The following ARHGAP36 variants were observed in gnomAD, a reference collection of about 807,000 sequenced individuals.
The protein encoded by ARHGAP36 is rho GTPase-activating protein 36.
ARHGAP36 carries 7 observed loss-of-function variants against 32.9 expected under a neutral mutation model. That is an observed-to-expected ratio of 0.21 (90% CI 0.12 to 0.40). The LOEUF is 0.40. ARHGAP36 is among the 10% of genes least tolerant of loss of function. The pLI is 1.00. For synonymous variants in ARHGAP36, 165 were observed against 168.3 expected (o/e 0.98, Z 0.15); for missense variants, 383 against 442.2 (o/e 0.87, Z 1.20).
At chrX:131,078,296 A>G (rs1175102425) in intron 1 of ARHGAP36, among the ~76,000 whole-genome samples, 2 of 112,219 alleles carry the variant, frequency 1.8e-5, no homozygotes, top group Non-Finnish European at 3.8e-5. Flanking sequence ...GACTTTCTTA[A>G]GATCACACAG....
At chrX:131,082,045 T>C in intron 2 of ARHGAP36, 127 bp downstream of exon 2, 1 of 855,994 alleles carries the variant, frequency 1.2e-6, no homozygotes, top group South Asian at 2.6e-5. Context: ...TGATCAGTTC[T>C]CCTGGCGTCT....
At chrX:131,083,633 T>A (rs2079818172) in intron 3 of ARHGAP36, 101 bp from the exon 4 acceptor site, 3 of 831,392 alleles carry the variant, frequency 3.6e-6, no homozygotes, top group East Asian at 3.1e-5. Flanking sequence ...TGGGGTTGGC[T>A]GCGGGTGGTT....
At position 131,083,152 on chromosome X, in the gene ARHGAP36, T is replaced by G. The variant is rs1468915813; in HGVS notation, c.254-13T>G. 8.3e-7 allele frequency: 1 copy of G among 1,206,653 alleles called. No individual in the cohort carries two copies. Among genetic ancestry groups the G allele is most frequent in the South Asian group, 1.8e-5 (1 of 55,915 alleles). On this transcript the variant is annotated splice_polypyrimidine_tract_variant and intron_variant, in intron 2 of 11. Coordinates refer to ENST00000276211, the MANE Select transcript of ARHGAP36 (RefSeq NM_144967.4). Reference sequence around the variant, plus strand: ...ATTTGTAAGTGTATCTTTTCTTTTTTCTCTTTCTGTAGCTCTGCCTATTGA... The same window carrying G: ...ATTTGTAAGTGTATCTTTTCTTTTTGCTCTTTCTGTAGCTCTGCCTATTGA...
At position 131,089,582 on chromosome X, in the gene ARHGAP36, G is replaced by A. The variant is rs1316765814; in HGVS notation, c.*797G>A. On this transcript the variant is annotated 3_prime_UTR_variant, in exon 12 of 12. Coordinates refer to ENST00000276211, the MANE Select transcript of ARHGAP36 (RefSeq NM_144967.4). Reference sequence around the variant, plus strand: ...GTTAGGTAAGGACATATAGTTCCAAGTAGGTAAAGTCACTTGATTACAAAT... The same window carrying A: ...GTTAGGTAAGGACATATAGTTCCAAATAGGTAAAGTCACTTGATTACAAAT... The A allele has an allele frequency of 6.2e-5, 7 of 113,174 alleles. No homozygotes were observed. The Admixed American group carries it at 6.5e-4, about 11-fold the overall frequency. 9.3% of individuals were successfully genotyped at this position (113,174 alleles called of 1,213,427 possible).
At chrX:131,058,837 G>A (rs1488367391) in intron 1 of ARHGAP36, among the ~76,000 whole-genome samples, 2 of 113,381 alleles carry the variant, frequency 1.8e-5, no homozygotes, top group Non-Finnish European at 3.7e-5. Flanking sequence ...CCTGAAGGAG[G>A]CGGGTATTCA....
intron 1 of ARHGAP36, among the ~76,000 whole-genome samples, chrX:131,064,507 C>A (rs962438034): frequency 8.9e-6 from 1 of 111,979 alleles, no homozygotes; most frequent in Non-Finnish European, 1.9e-5. Context: ...ATTAACTAAC[C>A]TTTTCTTAAA....
At chrX:131,080,398 T>A (rs963020751) in intron 1 of ARHGAP36, among the ~76,000 whole-genome samples, 12 of 102,899 alleles carry the variant, frequency 1.2e-4, no homozygotes, top group African/African-American at 3.9e-4. Flanking sequence ...GTTAAATCTT[T>A]AAAAAAAAAA....
intron 1 of ARHGAP36, among the ~76,000 whole-genome samples, chrX:131,074,354 TGTGTGA>T (rs1220071289): frequency 5.9e-5 from 2 of 34,133 alleles, no homozygotes; most frequent in Admixed American, 4.8e-4. Flanking sequence ...TGTGTGTGTG[TGTGTGA>T]GAGAGAGAGA....
chrX:131,076,610 A>G (rs1181426501), intron 1 of ARHGAP36, among the ~76,000 whole-genome samples: 1 of 112,499 alleles, frequency 8.9e-6, no homozygotes, highest in Non-Finnish European at 1.9e-5. Context: ...GATTATGTGT[A>G]TTCTTTTGAT....
chrX:131,063,151 T>C (rs1362828326), intron 1 of ARHGAP36, among the ~76,000 whole-genome samples: 2 of 112,149 alleles, frequency 1.8e-5, no homozygotes, highest in Non-Finnish European at 3.8e-5. Flanking sequence ...AAACGATTTC[T>C]GTTTCCTTCG....
At position 131,081,712 on chromosome X, in the gene ARHGAP36, C is replaced by T; in HGVS notation, c.47C>T (p.Pro16Leu). The T allele has an allele frequency of 8.3e-7, 1 of 1,211,497 alleles. No homozygotes were observed. Among genetic ancestry groups the T allele is most frequent in the South Asian group, 1.8e-5 (1 of 56,933 alleles). The change falls in exon 2 of 12, where the codon CCC becomes CTC. Residue 16 changes from proline to leucine, a missense_variant. This residue lies in a region of ARHGAP36 where 156 missense variants were observed against 131.0 expected (regional missense o/e 1.19). Transcript: ENST00000276211. ...CTGAAGGCAGCAAGGGCACTGTGCCCCAGAATCATGCCCCCTTTGCTGTTG... is the reference window on the plus strand; with the variant it reads ...CTGAAGGCAGCAAGGGCACTGTGCCTCAGAATCATGCCCCCTTTGCTGTTG... ...PFLKAARALCPRIMPPLLLLS... is the reference protein window; with the variant it reads ...PFLKAARALCLRIMPPLLLLS...
At chrX:131,065,638 G>A (rs1201948427) in intron 1 of ARHGAP36, among the ~76,000 whole-genome samples, 3 of 111,282 alleles carry the variant, frequency 2.7e-5, no homozygotes, top group Non-Finnish European at 5.7e-5. Flanking sequence ...TCTATGCCCT[G>A]CCTGAGTAAG....
chrX:131,076,369 G>A (rs185832265), intron 1 of ARHGAP36, among the ~76,000 whole-genome samples: 129 of 112,307 alleles, frequency 1.1e-3, no homozygotes, highest in Non-Finnish European at 2.1e-3. Flanking sequence ...GAGAATATCT[G>A]TATCTTCGTG....
chrX:131,075,623 ATGTGTGTGTGTG>A (rs5903808), intron 1 of ARHGAP36, among the ~76,000 whole-genome samples: 46 of 98,141 alleles, frequency 4.7e-4, no homozygotes, highest in African/African-American at 1.7e-3. Flanking sequence ...GTGTATATAT[ATGTGTGTGTGTG>A]TGTGTGTGTG....
At chrX:131,062,612 T>C (rs1024834429) in intron 1 of ARHGAP36, among the ~76,000 whole-genome samples, 1 of 111,693 alleles carries the variant, frequency 9.0e-6, no homozygotes, top group African/African-American at 3.3e-5. Flanking sequence ...AATGACATAA[T>C]AATGTCTATA....
chrX:131,070,970 C>T (rs1002360369), intron 1 of ARHGAP36, among the ~76,000 whole-genome samples: 1 of 110,051 alleles, frequency 9.1e-6, no homozygotes, highest in Non-Finnish European at 1.9e-5. Context: ...AAGTTTTTTT[C>T]CTGGCATATA....
Position 131,085,583 on chromosome X carries a change from T to C in ARHGAP36, c.956-5T>C, listed in dbSNP as rs199825373. 22 of 1,207,489 alleles carry C rather than the reference T, an allele frequency of 1.8e-5. No homozygotes were observed. The East Asian group carries it at 6.5e-4, about 36-fold the overall frequency. On this transcript the variant is annotated splice_polypyrimidine_tract_variant and splice_region_variant and intron_variant, in intron 7 of 11. Coordinates refer to ENST00000276211, the MANE Select transcript of ARHGAP36 (RefSeq NM_144967.4). ...CTGAGACAGCCCCTGTTTTCCTTCTTCTAGCTTTAAAGCCCCAGGATCAGC... is the reference window on the plus strand; with the variant it reads ...CTGAGACAGCCCCTGTTTTCCTTCTCCTAGCTTTAAAGCCCCAGGATCAGC...
intron 11 of ARHGAP36, among the ~76,000 whole-genome samples, chrX:131,087,767 C>T (rs369658651): frequency 1.5e-4 from 17 of 111,750 alleles, no homozygotes; most frequent in East Asian, 1.1e-3. Context: ...AATTCCGGGA[C>T]GTGAAGAAGC....
rs1465372454 is a variant in ARHGAP36 at position 131,085,995 on chromosome X, G to C, written c.1187G>C (p.Arg396Thr). 6 of 1,209,896 alleles carry C rather than the reference G, an allele frequency of 5.0e-6. No individual in the cohort carries two copies. The highest frequency in any genetic ancestry group is 6.7e-6 in the Non-Finnish European group (6 of 895,141). ...ALLKKGKFGK[R>T]ESRKTKLGID... is the part of the protein sequence containing the mutation. ...CTGAAAAAAGGAAAGTTTGGCAAGA[G>C]AGAGTCCAGGAAAACAAAGCTGGGG... Residue 396 changes from arginine to threonine, a missense_variant, in exon 9 of 12, where the codon AGA (arginine) becomes ACA (threonine). Around this residue, in one of 2 missense-constraint regions of ARHGAP36, gnomAD observed 227 missense variants for 311.3 expected, o/e 0.73. Transcript: ENST00000276211.
Sources: allele counts gnomAD v4.1 joint callset (sites outside exome capture counted in the v4.1 genomes callset), GRCh38; gene constraint gnomAD v4.1.1; regional missense constraint gnomAD v4.1.1; transcripts MANE v1.5; gene names NCBI Gene and HGNC (gene_info 2026-07-23, HGNC 2026-07-21).